Variants in CD86 observed in about 807,000 individuals in gnomAD.
CD86 encodes CD86 molecule.
Under a neutral mutation model 32.1 loss-of-function variants are expected in CD86, and 11 were observed. The observed-to-expected ratio is 0.34, with a 90% CI of 0.22 to 0.57. The LOEUF (loss-of-function observed/expected upper bound fraction) is 0.57. Among genes scored for constraint, CD86 ranks in the 20% least tolerant of loss-of-function variants. The pLI is 0.86. For missense variants in CD86, 359 were observed against 398.4 expected (o/e 0.90, Z 0.84); for synonymous variants, 137 against 135.3 (o/e 1.01, Z -0.09).
intron 1 of CD86, among the ~76,000 whole-genome samples, chr3:122,056,630 G>A (rs577335935): frequency 2.0e-4 from 30 of 152,202 alleles, no homozygotes; most frequent in African/African-American, 7.0e-4. Context: ...CCGCGCACCC[G>A]GCCGTCACTA....
chr3:122,106,667 G>A (rs2073096639), intron 4 of CD86, among the ~76,000 whole-genome samples, 167 bp downstream of exon 4: 1 of 152,152 alleles, frequency 6.6e-6, no homozygotes, highest in African/African-American at 2.4e-5. Flanking sequence ...GAGTGATGCA[G>A]GGTCCAGGAG....
rs56759758 is a variant in CD86 at position 122,106,840 on chromosome 3, G to GCACA, written c.703+368_703+371dup. ...TTGATTACAACACATACATGCGCTT[G>GCACA]CACACACACACACACACACACACAC... On this transcript the variant is annotated intron_variant, in intron 4 of 6. Transcript: ENST00000330540. 9.4e-3 allele frequency among the ~76,000 whole-genome samples: 1,346 copies of GCACA among 143,550 alleles called. 9 individuals carry two copies. Among genetic ancestry groups the GCACA allele is most frequent in the South Asian group, 0.033 (145 of 4,376 alleles). The allele number at this position is 143,550 out of a possible 152,430, so 94.2% of individuals were successfully genotyped here.
At chr3:122,099,898 T>C (rs2072970296) in intron 2 of CD86, among the ~76,000 whole-genome samples, 1 of 152,158 alleles carries the variant, frequency 6.6e-6, no homozygotes, top group Non-Finnish European at 1.5e-5. Flanking sequence ...AACACTGCAC[T>C]ACAGGGTCTG....
At chr3:122,057,433 A>T (rs1399608023) in intron 1 of CD86, among the ~76,000 whole-genome samples, 1 of 152,234 alleles carries the variant, frequency 6.6e-6, no homozygotes, top group Non-Finnish European at 1.5e-5. Flanking sequence ...ACTGTAGAAC[A>T]ATTCATAATG....
At chr3:122,102,687 C>G (rs1421845362) in intron 2 of CD86, among the ~76,000 whole-genome samples, 1 of 152,108 alleles carries the variant, frequency 6.6e-6, no homozygotes, top group South Asian at 2.1e-4. Context: ...CCTCACCTGC[C>G]CATCTATGAT....
chr3:122,103,874 A>C, intron 3 of CD86, 27 bp downstream of exon 3: 1 of 1,558,318 alleles, frequency 6.4e-7, no homozygotes, highest in Non-Finnish European at 8.8e-7. Flanking sequence ...GTGTGTTCAG[A>C]TTCTTAGCCT....
chr3:122,093,146 A>G (rs759075387), intron 2 of CD86, among the ~76,000 whole-genome samples: 27 of 151,928 alleles, frequency 1.8e-4, no homozygotes, highest in Non-Finnish European at 2.8e-4. Flanking sequence ...CCCACTTCTT[A>G]TTTATTTATT....
intron 5 of CD86, 34 bp downstream of exon 5, chr3:122,109,442 A>G: frequency 1.2e-6 from 2 of 1,612,248 alleles, no homozygotes; most frequent in Non-Finnish European, 8.5e-7. Flanking sequence ...ACAGACTGTC[A>G]CTTTGCACCT....
rs1340556491 is a variant in CD86 at position 122,109,479 on chromosome 3, G to A, written c.847+71G>A. 2.1e-5 allele frequency: 33 copies of A among 1,558,342 alleles called. 1 individual carries two copies. The highest frequency in any genetic ancestry group is 1.7e-4 in the Middle Eastern group (1 of 5,942). On this transcript the variant is annotated intron_variant, in intron 5 of 6. Transcript: ENST00000330540. ...CTTCCCAATCGGCTGGCTGCCTTCC[G>A]GAGCTTGTTGGCTGAGCCTAGACTG...
intron 4 of CD86, among the ~76,000 whole-genome samples, chr3:122,106,953 CA>C (rs1576784211): frequency 6.6e-6 from 1 of 151,404 alleles, no homozygotes. Context: ...GGAGTGAAAA[CA>C]AAAAGATATG....
intron 1 of CD86, among the ~76,000 whole-genome samples, chr3:122,063,180 G>A (rs1190405152): frequency 6.6e-6 from 1 of 152,100 alleles, no homozygotes; most frequent in African/African-American, 2.4e-5. Context: ...AATATTTTAA[G>A]TTTGCTTTTC....
intron 2 of CD86, among the ~76,000 whole-genome samples, chr3:122,101,728 C>T (rs2107536346): frequency 6.6e-6 from 1 of 152,004 alleles, no homozygotes; most frequent in East Asian, 1.9e-4. Context: ...AGTATTTCCT[C>T]AGAGACAATG....
At position 122,055,416 on chromosome 3, in the gene CD86, T is replaced by TAGCATTAAA; in HGVS notation, c.-73_-72insGCATTAAAA. On this transcript the variant is annotated 5_prime_UTR_variant, in exon 1 of 7. Transcript: ENST00000330540. ...TGAAAGCTTTGCTTCTCTGCTGCTG[T>TAGCATTAAA]AACAGGGACTAGCACAGACACACGG... The TAGCATTAAA allele has an allele frequency of 6.8e-7, 1 of 1,462,274 alleles. No individual in the cohort carries two copies. The highest frequency in any genetic ancestry group is 1.1e-5 in the South Asian group (1 of 87,536). 90.6% of individuals were successfully genotyped at this position (1,462,274 alleles called of 1,614,324 possible).
chr3:122,088,292 G>A (rs938000860), intron 1 of CD86, among the ~76,000 whole-genome samples: 35 of 147,340 alleles, frequency 2.4e-4, no homozygotes, highest in African/African-American at 8.0e-4. Flanking sequence ...CTTTTCAAAT[G>A]TATGAGATAG....
intron 2 of CD86, among the ~76,000 whole-genome samples, chr3:122,102,761 C>T (rs2073031188): frequency 6.6e-6 from 1 of 152,112 alleles, no homozygotes; most frequent in African/African-American, 2.4e-5. Flanking sequence ...CGAAAACAGC[C>T]ATCAAATTTG....
chr3:122,060,932 A>G (rs1479142286), intron 1 of CD86, among the ~76,000 whole-genome samples: 5 of 151,840 alleles, frequency 3.3e-5, no homozygotes, highest in Non-Finnish European at 5.9e-5. Flanking sequence ...ACAGAATGGG[A>G]AAAAAAACCC....
At chr3:122,073,312 C>T (rs2072514932) in intron 1 of CD86, among the ~76,000 whole-genome samples, 1 of 151,528 alleles carries the variant, frequency 6.6e-6, no homozygotes, top group African/African-American at 2.4e-5. Flanking sequence ...TGTCCGTGTA[C>T]CTTCTTTGGT....
At chr3:122,061,952 G>T (rs936148555) in intron 1 of CD86, among the ~76,000 whole-genome samples, 15 of 152,158 alleles carry the variant, frequency 9.9e-5, no homozygotes, top group African/African-American at 3.4e-4. Flanking sequence ...TCCCTCAGTG[G>T]GTGAATCGTA....
chr3:122,075,812 T>C lies in CD86; in HGVS notation c.15-15789T>C, dbSNP rs547475783. ...GGAGGAGGCTGCTCTAAATAGGAAC[T>C]GAAATAAGTAGATTAAAGAAGTGCT... is the stretch of plus-strand genomic sequence containing the variant. On this transcript the variant is annotated intron_variant, in intron 1 of 6. Coordinates refer to ENST00000330540, the MANE Select transcript of CD86 (RefSeq NM_175862.5). 2.0e-5 allele frequency among the ~76,000 whole-genome samples: 3 copies of C among 152,348 alleles called. No individual in the cohort carries two copies. The South Asian group carries it at 6.2e-4, about 32-fold the overall frequency.
Sources: allele counts gnomAD v4.1 joint callset (sites outside exome capture counted in the v4.1 genomes callset), GRCh38; gene constraint gnomAD v4.1.1; transcripts MANE v1.5; gene names NCBI Gene and HGNC (gene_info 2026-07-23, HGNC 2026-07-21).